Variants in SYT12 observed in about 807,000 individuals in gnomAD.
SYT12 encodes synaptotagmin 12, also known as synaptotagmin-12.
Under a neutral mutation model 39.5 loss-of-function variants are expected in SYT12, and 27 were observed. The ratio of observed to expected loss-of-function variants is 0.68; its 90% CI spans 0.50 to 0.94. SYT12 has a LOEUF of 0.94. SYT12 is among the 40% of genes least tolerant of loss of function. The pLI, the probability that SYT12 is intolerant of heterozygous loss-of-function variation, is 0.00. For synonymous variants in SYT12, 233 were observed against 239.7 expected, an observed-to-expected ratio of 0.97 and a Z score of 0.26; for missense variants, 536 against 572.6, an observed-to-expected ratio of 0.94 and a Z score of 0.65.
intron 3 of SYT12, among the ~76,000 whole-genome samples, chr11:67,036,618 C>T (rs931275211): frequency 6.6e-6 from 1 of 152,106 alleles, no homozygotes; most frequent in African/African-American, 2.4e-5. Context: ...ATCTCACACG[C>T]TGTTGGGGGA....
rs1315836146 is a variant in SYT12, at chr11:67,050,689, C to G, written c.*1932C>G. On this transcript the variant is annotated 3_prime_UTR_variant, in exon 8 of 8. Coordinates refer to ENST00000527043, the MANE Select transcript of SYT12 (RefSeq NM_177963.4). The stretch of plus-strand genomic sequence containing the variant: ...ACTGACTCCCCCCCTGCCCTCTCCC[C>G]TCTCTCCCTCCCCCTAACTGCATGA... 4.6e-5 allele frequency: 7 copies of G among 152,520 alleles called. No homozygotes were observed. Among genetic ancestry groups the G allele is most frequent in the Non-Finnish European group, 1.0e-4 (7 of 68,240 alleles). The allele number at this position is 152,520 out of a possible 1,614,324, so 9.4% of individuals were successfully genotyped here.
rs908381422 is a variant in SYT12 at position 67,049,370 on chromosome 11, T to C, written c.*613T>C. The C allele has an allele frequency of 6.6e-6, 1 of 151,906 alleles. No individual in the cohort carries two copies. The highest frequency in any genetic ancestry group is 2.4e-5 in the African/African-American group (1 of 41,344). The allele number at this position is 151,906 out of a possible 1,614,324, so 9.4% of individuals were successfully genotyped here. On this transcript the variant is annotated 3_prime_UTR_variant, in exon 8 of 8. Transcript: ENST00000527043. ...GCAGTTCTCAGCCCACTGCAGTGGATACAAGGAAGGGCCTTTCTCGGGGCC... is the reference window on the plus strand; with the variant it reads ...GCAGTTCTCAGCCCACTGCAGTGGACACAAGGAAGGGCCTTTCTCGGGGCC...
chr11:67,024,551 T>A (rs1055065381), intron 1 of SYT12, among the ~76,000 whole-genome samples: 17 of 152,186 alleles, frequency 1.1e-4, no homozygotes, highest in Non-Finnish European at 1.9e-4. Flanking sequence ...ACACTGCACC[T>A]CAGTTTCCTC....
chr11:67,019,660 G>C (rs914590498), upstream of SYT12, among the ~76,000 whole-genome samples: 4 of 152,112 alleles, frequency 2.6e-5, no homozygotes, highest in Non-Finnish European at 4.4e-5. Context: ...ACTTTGGGAG[G>C]CCGAGGAGGG....
chr11:67,012,573 C>T (rs1055728468), intron 3 of SYT12, among the ~76,000 whole-genome samples: 1 of 152,042 alleles, frequency 6.6e-6, no homozygotes, highest in African/African-American at 2.4e-5. Flanking sequence ...ATTCATTGGC[C>T]CTCAGACCAG....
At chr11:67,032,905 CAAAA>C (rs562451881) in intron 2 of SYT12, 7 of 67,176 alleles carry the variant, frequency 1.0e-4, no homozygotes, top group Non-Finnish European at 1.8e-4. Context: ...AACTCCATCT[CAAAA>C]AAAAAAAAAA....
chr11:67,013,118 G>A (rs1293592300), intron 3 of SYT12, among the ~76,000 whole-genome samples: 2 of 152,182 alleles, frequency 1.3e-5, no homozygotes, highest in Admixed American at 6.5e-5. Flanking sequence ...TAATTGACAC[G>A]CAGAGTGGGG....
rs1400197839 is a variant in SYT12 at position 67,035,783 on chromosome 11, T to C, written c.228+945T>C. Among the ~76,000 whole-genome samples the C allele has an allele frequency of 2.2e-3, 315 of 145,178 alleles. 3 individuals carry two copies. The highest frequency in any genetic ancestry group is 8.3e-3 in the African/African-American group (301 of 36,484). ...TTCCTTTCTTTCTTTTCTTTTCTTT[T>C]CTTTTCTTTCCTTCCTTCCTTCCTT... On this transcript the variant is annotated intron_variant, in intron 3 of 7. Transcript: ENST00000527043.
At chr11:67,033,081 C>T (rs947189015) in intron 2 of SYT12, among the ~76,000 whole-genome samples, 1 of 152,188 alleles carries the variant, frequency 6.6e-6, no homozygotes, top group East Asian at 1.9e-4. Flanking sequence ...CTGTGTGATC[C>T]ATTCCTGTGT....
chr11:67,048,037 C>T (rs1216936920), intron 7 of SYT12, among the ~76,000 whole-genome samples: 2 of 149,182 alleles, frequency 1.3e-5, no homozygotes, highest in African/African-American at 2.5e-5. Context: ...ATGATCCGCC[C>T]GCCTCGGCCT....
At chr11:67,024,979 C>G (rs71457754) in intron 1 of SYT12, among the ~76,000 whole-genome samples, 1 of 152,194 alleles carries the variant, frequency 6.6e-6, no homozygotes, top group African/African-American at 2.4e-5. Context: ...CAGGAGGGGC[C>G]TCTGCCATGG....
intron 3 of SYT12, 48 bp downstream of exon 3, chr11:67,034,886 C>T: frequency 2.8e-6 from 4 of 1,413,760 alleles, no homozygotes. Flanking sequence ...ACCCCATGCC[C>T]CTACCATCCA....
rs754149530 is a variant in SYT12, at chr11:67,044,659, G to A, written c.904G>A (p.Val302Met). ...CCTCCCCACAGCCGAGCGCCTCACCGTGGTCGTGGTTAAGGCCAAGAACCT... is the reference window on the plus strand; with the variant it reads ...CCTCCCCACAGCCGAGCGCCTCACCATGGTCGTGGTTAAGGCCAAGAACCT... ...SYLPTAERLT[V>M]VVVKAKNLIW... Residue 302 changes from valine (V) to methionine (M), a missense_variant, in exon 6 of 8, where the codon GTG becomes ATG. Transcript: ENST00000527043. The A allele has an allele frequency of 1.3e-5, 21 of 1,613,562 alleles. No homozygotes were observed. Among genetic ancestry groups the A allele is most frequent in the African/African-American group, 6.7e-5 (5 of 74,924 alleles).
chr11:67,034,762 C>T lies in SYT12; in HGVS notation c.152C>T (p.Pro51Leu). ...TGGACGTCGGGGAGCTTCCCCAGCC[C>T]CTCTCCGTTCCCCAATTACGACTAC... Reference protein sequence around the residue: ...KLWTSGSFPSPSPFPNYDYRY... With the variant: ...KLWTSGSFPSLSPFPNYDYRY... Residue 51 changes from proline (P) to leucine (L), a missense_variant, in exon 3 of 8, where the codon CCC (proline) becomes CTC (leucine). By Grantham distance (98) the Pro-to-Leu change is moderately conservative. Coordinates refer to ENST00000527043, the MANE Select transcript of SYT12 (RefSeq NM_177963.4). 1.2e-6 allele frequency: 2 copies of T among 1,602,804 alleles called. No homozygotes were observed. Among genetic ancestry groups the T allele is most frequent in the South Asian group, 1.1e-5 (1 of 89,250 alleles).
intron 3 of SYT12, among the ~76,000 whole-genome samples, chr11:67,016,479 A>G (rs1052690904): frequency 1.6e-4 from 24 of 152,232 alleles, no homozygotes; most frequent in African/African-American, 5.8e-4. Context: ...CATTTTCTAG[A>G]GAGGCTTCAG....
intron 7 of SYT12, among the ~76,000 whole-genome samples, chr11:67,047,520 G>A (rs1196788612): frequency 4.0e-5 from 6 of 150,172 alleles, no homozygotes; most frequent in Non-Finnish European, 5.9e-5. Context: ...TGCCTGCCTC[G>A]GCCTCCCAAA....
intron 3 of SYT12, among the ~76,000 whole-genome samples, chr11:67,038,454 G>A (rs555002021): frequency 2.6e-5 from 4 of 151,880 alleles, no homozygotes; most frequent in African/African-American, 7.2e-5. Flanking sequence ...ATGAGCCACC[G>A]TGCCTGGCCA....
intron 3 of SYT12, among the ~76,000 whole-genome samples, chr11:67,035,492 C>T (rs1166954560): frequency 2.4e-5 from 3 of 124,028 alleles, no homozygotes; most frequent in Non-Finnish European, 3.2e-5. Flanking sequence ...GAGTCTCGCT[C>T]TGTTGCCCAG....
exon 2 of SYT12, chr11:67,010,019 G>A (rs1407157282): frequency 6.6e-6 from 1 of 152,366 alleles, no homozygotes; most frequent in Non-Finnish European, 1.5e-5. Flanking sequence ...GGCAAGAAAG[G>A]GCTTGGTGTG....
Sources: allele counts gnomAD v4.1 joint callset (sites outside exome capture counted in the v4.1 genomes callset), GRCh38; gene constraint gnomAD v4.1.1; transcripts MANE v1.5; gene names NCBI Gene and HGNC (gene_info 2026-07-23, HGNC 2026-07-21).